The following ADGRF5 variants were observed in gnomAD, a reference collection of about 807,000 sequenced individuals.
The protein encoded by ADGRF5 is adhesion G protein-coupled receptor F5.
A neutral mutation model predicts 132.3 loss-of-function variants in ADGRF5; 75 were observed. The ratio of observed to expected loss-of-function variants is 0.57; its 90% CI spans 0.47 to 0.69. The LOEUF is 0.69. Among genes scored for constraint, ADGRF5 ranks in the 30% least tolerant of loss-of-function variants. The pLI is 0.00. For missense variants in ADGRF5, 1,516 were observed against 1,630.6 expected, an observed-to-expected ratio of 0.93 and a Z score of 1.21; for synonymous variants, 629 against 597.6, an observed-to-expected ratio of 1.05 and a Z score of -0.77.
chr6:46,876,760 C>G (rs1006554331), intron 10 of ADGRF5, among the ~76,000 whole-genome samples: 1 of 152,128 alleles, frequency 6.6e-6, no homozygotes, highest in Non-Finnish European at 1.5e-5. Flanking sequence ...CACACCACCA[C>G]ACCTAGCTAA....
chr6:46,871,572 C>T (rs1364671780), intron 11 of ADGRF5, among the ~76,000 whole-genome samples: 1 of 152,118 alleles, frequency 6.6e-6, no homozygotes, highest in African/African-American at 2.4e-5. Flanking sequence ...CCCACTCCAC[C>T]TCCTGCATTA....
chr6:46,927,665 A>C (rs772200306), intron 1 of ADGRF5, among the ~76,000 whole-genome samples: 5 of 152,202 alleles, frequency 3.3e-5, no homozygotes, highest in Non-Finnish European at 7.3e-5. Context: ...GCAAGCCAGC[A>C]ACAGAATTTC....
At chr6:46,880,179 C>T in intron 8 of ADGRF5, 140 bp from the exon 9 acceptor site, 1 of 648,838 alleles carries the variant, frequency 1.5e-6, no homozygotes. Flanking sequence ...AATGTGTCTC[C>T]TCACTCCATT....
At chr6:46,923,053 AGT>A (rs920699961), upstream of ADGRF5, among the ~76,000 whole-genome samples, 8 of 152,176 alleles carry the variant, frequency 5.3e-5, no homozygotes, top group African/African-American at 1.9e-4. Flanking sequence ...CAGCTTTCCC[AGT>A]AGCTGGGACT....
intron 11 of ADGRF5, 128 bp from the exon 12 acceptor site, chr6:46,869,220 C>G: frequency 6.7e-7 from 1 of 1,491,914 alleles, no homozygotes; most frequent in African/African-American, 1.4e-5. Context: ...CATCCTGACT[C>G]TACTCATGTC....
chr6:46,921,411 C>T (rs151090856), intron 1 of ADGRF5, among the ~76,000 whole-genome samples: 57 of 142,758 alleles, frequency 4.0e-4, no homozygotes, highest in African/African-American at 1.3e-3. Flanking sequence ...GGTTTAAGGA[C>T]GAGAGAACTT....
intron 10 of ADGRF5, among the ~76,000 whole-genome samples, chr6:46,877,281 T>TC (rs1771840850): frequency 7.2e-5 from 4 of 55,610 alleles, no homozygotes; most frequent in South Asian, 5.2e-4. Flanking sequence ...CTTTCTTTCT[T>TC]TCTTTCTTTC....
rs557314998 is a variant in ADGRF5 at position 46,858,071 on chromosome 6, C to T, written c.3774+58G>A. On this transcript the variant is annotated intron_variant, in intron 17 of 20. Transcript: ENST00000283296. ...TTCCTACTCTTGTTTGTGTTTCTAT[C>T]ATTAATTTGTCCTACAGGAATAAAA... is the stretch of plus-strand genomic sequence containing the variant. The T allele has an allele frequency of 3.4e-5, 43 of 1,281,748 alleles. No individual in the cohort carries two copies. The African/African-American group carries it at 5.8e-4, about 17-fold the overall frequency. 79.4% of individuals were successfully genotyped at this position (1,281,748 alleles called of 1,614,324 possible). A position where few individuals can be genotyped will look rare whatever the true frequency, so the allele number is the denominator to read the frequency against.
At chr6:46,874,722 G>A (rs78883664) in intron 10 of ADGRF5, among the ~76,000 whole-genome samples, 1 of 152,152 alleles carries the variant, frequency 6.6e-6, no homozygotes, top group Non-Finnish European at 1.5e-5. Context: ...TGTGTTGAGG[G>A]GGGTGGAAGG....
At chr6:46,877,277 TTCTTTCTTTCTTTCTC>T (rs1215022981) in intron 10 of ADGRF5, among the ~76,000 whole-genome samples, 794 of 45,978 alleles carry the variant, frequency 0.017, 6 homozygotes, top group Middle Eastern at 0.019. Context: ...CTTTCTTTCT[TTCTTTCTTTCTTTCTC>T]TCTCTCTCTC....
intron 1 of ADGRF5, among the ~76,000 whole-genome samples, chr6:46,942,624 A>C (rs1018503404): frequency 6.6e-6 from 1 of 152,250 alleles, no homozygotes; most frequent in Non-Finnish European, 1.5e-5. Context: ...TGCTAGGAAG[A>C]AAATGGACCA....
intron 13 of ADGRF5, among the ~76,000 whole-genome samples, chr6:46,866,601 G>A (rs1316290969): frequency 6.6e-6 from 1 of 151,436 alleles, no homozygotes; most frequent in Non-Finnish European, 1.5e-5. Flanking sequence ...CAGTTTTGTG[G>A]CATGCAACTT....
intron 1 of ADGRF5, among the ~76,000 whole-genome samples, chr6:46,929,538 G>GA (rs11343793): frequency 2.5e-4 from 35 of 142,184 alleles, no homozygotes; most frequent in African/African-American, 4.6e-4. Context: ...GTAAAAAGAT[G>GA]AAAAAAAAAA....
intron 3 of ADGRF5, among the ~76,000 whole-genome samples, chr6:46,896,501 T>A (rs1354273093): frequency 6.6e-6 from 1 of 152,172 alleles, no homozygotes; most frequent in Admixed American, 6.5e-5. Context: ...AACGCAACAC[T>A]ATTTTATAAA....
intron 6 of ADGRF5, 148 bp downstream of exon 6, chr6:46,883,411 A>G: frequency 3.2e-6 from 2 of 622,072 alleles, no homozygotes; most frequent in East Asian, 3.0e-5. Context: ...ATTTGAGCAC[A>G]TATTAATTCA....
At chr6:46,898,718 T>G (rs2150877866) in intron 3 of ADGRF5, among the ~76,000 whole-genome samples, 1 of 152,342 alleles carries the variant, frequency 6.6e-6, no homozygotes, top group African/African-American at 2.4e-5. Context: ...GCCTCCACTC[T>G]GATCTTAGGG....
chr6:46,914,541 G>A (rs1288058070), intron 1 of ADGRF5, among the ~76,000 whole-genome samples: 1 of 152,076 alleles, frequency 6.6e-6, no homozygotes, highest in African/African-American at 2.4e-5. Context: ...CAGATTACAG[G>A]GGAACATTTG....
rs1582001350 is a variant in ADGRF5 at position 46,917,133 on chromosome 6, T to C, written c.-25+4580A>G. Among the ~76,000 whole-genome samples the C allele has an allele frequency of 3.9e-5, 6 of 152,386 alleles. No individual in the cohort carries two copies. The South Asian group carries it at 1.2e-3, about 32-fold the overall frequency. The stretch of plus-strand genomic sequence containing the variant: ...ATGCACTAGACTCATTTAATCTTTA[T>C]AATCCTGTTTATGAGAAGTATCATC... On this transcript the variant is annotated intron_variant, in intron 1 of 20. Coordinates refer to ENST00000283296, the MANE Select transcript of ADGRF5 (RefSeq NM_001098518.2).
chr6:46,897,572 C>T (rs1340714109), intron 3 of ADGRF5, among the ~76,000 whole-genome samples: 2 of 152,124 alleles, frequency 1.3e-5, no homozygotes, highest in Admixed American at 6.5e-5. Context: ...CCTGGAGAGT[C>T]GTGTTCTTTT....
Sources: allele counts gnomAD v4.1 joint callset (sites outside exome capture counted in the v4.1 genomes callset), GRCh38; gene constraint gnomAD v4.1.1; transcripts MANE v1.5; gene names NCBI Gene and HGNC (gene_info 2026-07-23, HGNC 2026-07-21).